PABIR1: variants seen among roughly 807,000 people sequenced by gnomAD.
PABIR1 encodes PPP2R1A-PPP2R2A-interacting phosphatase regulator 1.
Under a neutral mutation model 14.6 loss-of-function variants are expected in PABIR1, and 2 were observed. That is an observed-to-expected ratio of 0.14 (90% CI 0.06 to 0.43). The LOEUF (loss-of-function observed/expected upper bound fraction) is 0.43, where lower values mean the gene tolerates loss of function less well. PABIR1 is among the 20% of genes least tolerant of loss of function. The probability of loss-of-function intolerance (pLI) is 0.99; values close to 1 mark genes in which losing one functional copy is unlikely to be tolerated. For synonymous variants in PABIR1, 163 were observed against 155.4 expected, an observed-to-expected ratio of 1.05 and a Z score of -0.36; for missense variants, 294 against 379.0, an observed-to-expected ratio of 0.78 and a Z score of 1.86.
At position 68,782,492 on chromosome 9, in the gene PABIR1, A is replaced by T. The variant is rs927444607; in HGVS notation, c.*1464A>T. 1.8e-5 allele frequency: 3 copies of T among 167,090 alleles called. No homozygotes were observed. Among genetic ancestry groups the T allele is most frequent in the Non-Finnish European group, 4.4e-5 (3 of 68,116 alleles). 10.4% of individuals were successfully genotyped at this position (167,090 alleles called of 1,614,324 possible). Reference sequence around the variant, plus strand: ...AGTTTGACAGAAAGAATGGCATACAAAGAGGAAAGGGGAAAAATGACTCAG... The same window carrying T: ...AGTTTGACAGAAAGAATGGCATACATAGAGGAAAGGGGAAAAATGACTCAG... On this transcript the variant is annotated 3_prime_UTR_variant, in exon 1 of 1. Coordinates refer to ENST00000394264, the MANE Select transcript of PABIR1 (RefSeq NM_138333.5).
chr9:68,781,013 A>G lies in PABIR1; in HGVS notation c.849A>G (p.Glu283=). 1.2e-6 allele frequency: 2 copies of G among 1,613,000 alleles called. No homozygotes were observed. Among genetic ancestry groups the G allele is most frequent in the South Asian group, 2.2e-5 (2 of 91,030 alleles). Residue 283 remains glutamate, a synonymous_variant, in exon 1 of 1, where the codon GAA becomes GAG. Transcript: ENST00000394264. ...QAASPFIPLD[E]LSSK is the part of the protein sequence containing the mutation. ...CTTCTCCATTTATTCCACTAGATGA[A>G]CTTTCGTCTAAGTGATTCACTCATC... is the stretch of plus-strand genomic sequence containing the variant.
At position 68,781,480 on chromosome 9, in the gene PABIR1, A is replaced by C. The variant is rs1305895955; in HGVS notation, c.*452A>C. 1 of 174,322 alleles carries C rather than the reference A, an allele frequency of 5.7e-6. No individual in the cohort carries two copies. The highest frequency in any genetic ancestry group is 1.4e-5 in the Non-Finnish European group (1 of 72,696). 10.8% of individuals were successfully genotyped at this position (174,322 alleles called of 1,614,324 possible). ...GGTTGCCGATTTCCATTTGATGAAG[A>C]ACTATACAGCTTAAAAAAATACGTT... is the stretch of plus-strand genomic sequence containing the variant. On this transcript the variant is annotated 3_prime_UTR_variant, in exon 1 of 1. Coordinates refer to ENST00000394264, the MANE Select transcript of PABIR1 (RefSeq NM_138333.5).
rs1831555766 is a variant in PABIR1, at chr9:68,785,444, C to T, written c.*4416C>T. Among the ~76,000 whole-genome samples the T allele has an allele frequency of 6.6e-6, 1 of 152,176 alleles. No individual in the cohort carries two copies. The highest frequency in any genetic ancestry group is 6.5e-5 in the Admixed American group (1 of 15,278). On this transcript the variant is annotated 3_prime_UTR_variant, in exon 1 of 1. Coordinates refer to ENST00000394264, the MANE Select transcript of PABIR1 (RefSeq NM_138333.5). Reference sequence around the variant, plus strand: ...TGGTAAAAAATTGTGTCAGATTGCTCACTGTAGCCAAGACAGAGTTCTTTG... The same window carrying T: ...TGGTAAAAAATTGTGTCAGATTGCTTACTGTAGCCAAGACAGAGTTCTTTG...
Position 68,781,895 on chromosome 9 carries a change from C to T in PABIR1, c.*867C>T, listed in dbSNP as rs1831308244. On this transcript the variant is annotated 3_prime_UTR_variant, in exon 1 of 1. Transcript: ENST00000394264. ...TTAAAAGTTTTTCAAATGTGGGAAACGTGTGGGAAGGCTTGTTGAACTTTG... is the reference window on the plus strand; with the variant it reads ...TTAAAAGTTTTTCAAATGTGGGAAATGTGTGGGAAGGCTTGTTGAACTTTG... 6.0e-6 allele frequency: 1 copy of T among 166,842 alleles called. No individual in the cohort carries two copies. The highest frequency in any genetic ancestry group is 2.4e-5 in the African/African-American group (1 of 41,384). 10.3% of individuals were successfully genotyped at this position (166,842 alleles called of 1,614,324 possible).
chr9:68,783,766 A>C lies in PABIR1; in HGVS notation c.*2738A>C, dbSNP rs1053329284. The C allele has an allele frequency of 4.2e-5, 7 of 166,726 alleles. No homozygotes were observed. Among genetic ancestry groups the C allele is most frequent in the Non-Finnish European group, 8.8e-5 (6 of 68,088 alleles). 10.3% of individuals were successfully genotyped at this position (166,726 alleles called of 1,614,324 possible). On this transcript the variant is annotated 3_prime_UTR_variant, in exon 1 of 1. Transcript: ENST00000394264. Reference sequence around the variant, plus strand: ...CTTAGGCTTCTGAAGCAACTTCCTAACTCCCACTTGTGCTCCTCACACTCA... The same window carrying C: ...CTTAGGCTTCTGAAGCAACTTCCTACCTCCCACTTGTGCTCCTCACACTCA...
In PABIR1 at chr9:68,780,594, C is replaced by A. The variant is rs1196922735; in HGVS notation, c.430C>A (p.Pro144Thr). The change falls in exon 1 of 1, where the codon CCA becomes ACA. Residue 144 changes from proline to threonine, a missense_variant. Pro to Thr is a conservative substitution (Grantham distance 38, BLOSUM62 -1). Transcript: ENST00000394264. ...PKRIDFIPVS[P>T]APSPTRGIGK... ...GCGCATCGATTTCATTCCTGTGTCA[C>A]CAGCACCGTCACCCACTCGGGGAAT... is the stretch of plus-strand genomic sequence containing the variant. 1 of 1,614,084 alleles carries A rather than the reference C, an allele frequency of 6.2e-7. No homozygotes were observed. Among genetic ancestry groups the A allele is most frequent in the Non-Finnish European group, 8.5e-7 (1 of 1,180,042 alleles).
Position 68,781,994 on chromosome 9 carries a change from A to G in PABIR1, c.*966A>G, listed in dbSNP as rs1008028080. The G allele has an allele frequency of 1.2e-5, 2 of 167,032 alleles. No homozygotes were observed. The highest frequency in any genetic ancestry group is 4.8e-5 in the African/African-American group (2 of 41,440). 10.3% of individuals were successfully genotyped at this position (167,032 alleles called of 1,614,324 possible). On this transcript the variant is annotated 3_prime_UTR_variant, in exon 1 of 1. Coordinates refer to ENST00000394264, the MANE Select transcript of PABIR1 (RefSeq NM_138333.5). ...TATTCAGTTGTGCCTCAGTTCCAGAAATTATTGCCAAACAGGAGCCACAGC... is the reference window on the plus strand; with the variant it reads ...TATTCAGTTGTGCCTCAGTTCCAGAGATTATTGCCAAACAGGAGCCACAGC...
rs1831340782 is a variant in PABIR1 at position 68,782,394 on chromosome 9, A to C, written c.*1366A>C. 1 of 166,998 alleles carries C rather than the reference A, an allele frequency of 6.0e-6. No individual in the cohort carries two copies. The highest frequency in any genetic ancestry group is 2.4e-5 in the African/African-American group (1 of 41,454). The allele number at this position is 166,998 out of a possible 1,614,324, so 10.3% of individuals were successfully genotyped here. A position where few individuals can be genotyped will look rare whatever the true frequency, so the allele number is the denominator to read the frequency against. ...TCTTTACCTTTACAATTAAGACAAA[A>C]TGTTTAATAAGAATAGCAAAAATTT... On this transcript the variant is annotated 3_prime_UTR_variant, in exon 1 of 1. Transcript: ENST00000394264.
rs1277187377 is a variant in PABIR1 at position 68,783,802 on chromosome 9, C to T, written c.*2774C>T. On this transcript the variant is annotated 3_prime_UTR_variant, in exon 1 of 1. Transcript: ENST00000394264. ...TGCTCCTCACACTCACTCTGGTCGG[C>T]TATCCATTCATTCTCCATACAGCAA... The T allele has an allele frequency of 6.0e-6, 1 of 167,018 alleles. No homozygotes were observed. The highest frequency in any genetic ancestry group is 1.5e-5 in the Non-Finnish European group (1 of 68,140). The allele number at this position is 167,018 out of a possible 1,614,324, so 10.3% of individuals were successfully genotyped here. A position where few individuals can be genotyped will look rare whatever the true frequency, so the allele number is the denominator to read the frequency against.
In PABIR1 at chr9:68,780,543, G is replaced by A; in HGVS notation, c.379G>A (p.Asp127Asn). 1.9e-6 allele frequency: 3 copies of A among 1,614,162 alleles called. No homozygotes were observed. The highest frequency in any genetic ancestry group is 2.5e-6 in the Non-Finnish European group (3 of 1,180,022). ...GGAAAGTTTCAGCCTGAGTGACAAC[G>A]ACGTGGAGAAATCCGCCTCCCCCAA... is the stretch of plus-strand genomic sequence containing the variant. ...WEESFSLSDN[D>N]VEKSASPKRI... The change falls in exon 1 of 1, where the codon GAC (aspartate) becomes AAC (asparagine). Residue 127 changes from aspartate to asparagine, a missense_variant. Around this residue, in one of 3 missense-constraint regions of PABIR1, gnomAD observed 103 missense variants for 175.9 expected, o/e 0.59. Coordinates refer to ENST00000394264, the MANE Select transcript of PABIR1 (RefSeq NM_138333.5).
Position 68,780,991 on chromosome 9 carries a change from C to G in PABIR1, c.827C>G (p.Ser276Cys). Residue 276 changes from serine to cysteine, a missense_variant, in exon 1 of 1, where the codon TCT becomes TGT. Around this residue, in one of 3 missense-constraint regions of PABIR1, gnomAD observed 95 missense variants for 100.8 expected, o/e 0.94. Coordinates refer to ENST00000394264, the MANE Select transcript of PABIR1 (RefSeq NM_138333.5). ...DSPVSPAQAASPFIPLDELSS... is the reference protein window; with the variant it reads ...DSPVSPAQAACPFIPLDELSS... ...CCTGTGTCACCTGCCCAAGCGGCTTCTCCATTTATTCCACTAGATGAACTT... is the reference window on the plus strand; with the variant it reads ...CCTGTGTCACCTGCCCAAGCGGCTTGTCCATTTATTCCACTAGATGAACTT... 1 of 1,614,164 alleles carries G rather than the reference C, an allele frequency of 6.2e-7. No individual in the cohort carries two copies. The highest frequency in any genetic ancestry group is 8.5e-7 in the Non-Finnish European group (1 of 1,179,986).
rs1831363630 is a variant in PABIR1, at chr9:68,782,679, T to A, written c.*1651T>A. On this transcript the variant is annotated 3_prime_UTR_variant, in exon 1 of 1. Coordinates refer to ENST00000394264, the MANE Select transcript of PABIR1 (RefSeq NM_138333.5). The stretch of plus-strand genomic sequence containing the variant: ...CGAGGGTAAGACTGTGTCCACAGGT[T>A]TAAAATTCTCTCTTCTGAGTAATAG... The A allele has an allele frequency of 1.2e-5, 2 of 167,084 alleles. No individual in the cohort carries two copies. Among genetic ancestry groups the A allele is most frequent in the South Asian group, 4.1e-4 (2 of 4,826 alleles). 10.4% of individuals were successfully genotyped at this position (167,084 alleles called of 1,614,324 possible).
rs775395098 is a variant in PABIR1 at position 68,781,060 on chromosome 9, G to GGA, written c.*41_*42dup. The GGA allele has an allele frequency of 1.3e-6, 2 of 1,585,782 alleles. No homozygotes were observed. Among genetic ancestry groups the GGA allele is most frequent in the Non-Finnish European group, 1.7e-6 (2 of 1,164,448 alleles). On this transcript the variant is annotated 3_prime_UTR_variant, in exon 1 of 1. Transcript: ENST00000394264. ...CATCCTGAGACTTTCTTTTTGCAGT[G>GGA]GAGAGAGAGAATAATCTAGTTGGGG...
Position 68,780,489 on chromosome 9 carries a change from A to G in PABIR1, c.325A>G (p.Thr109Ala), listed in dbSNP as rs748345141. 6.2e-7 allele frequency: 1 copy of G among 1,614,188 alleles called. No individual in the cohort carries two copies. Among genetic ancestry groups the G allele is most frequent in the Non-Finnish European group, 8.5e-7 (1 of 1,180,032 alleles). Residue 109 changes from threonine (T) to alanine (A), a missense_variant, in exon 1 of 1, where the codon ACC becomes GCC. Physicochemically the swap from Thr to Ala is moderately conservative, Grantham distance 58 (BLOSUM62 0). This residue lies in a region of PABIR1 where 103 missense variants were observed against 175.9 expected (regional missense o/e 0.59). Coordinates refer to ENST00000394264, the MANE Select transcript of PABIR1 (RefSeq NM_138333.5). ...GACGGTCCACGAACGGGAGGTGCAG[A>G]CCGCAATGCAGATAAGCCACTCCTG... The part of the protein sequence containing the change: ...RETVHEREVQ[T>A]AMQISHSWEE...
In PABIR1 at chr9:68,784,180, C is replaced by T. The variant is rs182089968; in HGVS notation, c.*3152C>T. On this transcript the variant is annotated 3_prime_UTR_variant, in exon 1 of 1. Transcript: ENST00000394264. ...TACGTTATCATAGTATTGTTCATAA[C>T]GTCCATCATTATTCTGTAGACTGTA... The T allele has an allele frequency of 2.4e-5, 4 of 167,194 alleles. No homozygotes were observed. The highest frequency in any genetic ancestry group is 3.8e-4 in the East Asian group (2 of 5,196). 10.4% of individuals were successfully genotyped at this position (167,194 alleles called of 1,614,324 possible). A position where few individuals can be genotyped will look rare whatever the true frequency, so the allele number is the denominator to read the frequency against.
In PABIR1 at chr9:68,781,974, A is replaced by G; in HGVS notation, c.*946A>G. ...ATTGTTGATATACTTTAAAATATTC[A>G]GTTGTGCCTCAGTTCCAGAAATTAT... On this transcript the variant is annotated 3_prime_UTR_variant, in exon 1 of 1. Transcript: ENST00000394264. 6.0e-6 allele frequency: 1 copy of G among 167,174 alleles called. No individual in the cohort carries two copies. Among genetic ancestry groups the G allele is most frequent in the Non-Finnish European group, 1.5e-5 (1 of 68,100 alleles). The allele number at this position is 167,174 out of a possible 1,614,324, so 10.4% of individuals were successfully genotyped here.
rs1258418997 is a variant in PABIR1 at position 68,784,271 on chromosome 9, A to G, written c.*3243A>G. On this transcript the variant is annotated 3_prime_UTR_variant, in exon 1 of 1. Coordinates refer to ENST00000394264, the MANE Select transcript of PABIR1 (RefSeq NM_138333.5). ...CATTTTTAAGGTATTAGTATTGCTA[A>G]TCTATAAACTTTGTGCAAGAAGTCC... 6.0e-6 allele frequency: 1 copy of G among 167,004 alleles called. No homozygotes were observed. Among genetic ancestry groups the G allele is most frequent in the Non-Finnish European group, 1.5e-5 (1 of 68,126 alleles). The allele number at this position is 167,004 out of a possible 1,614,324, so 10.3% of individuals were successfully genotyped here.
At position 68,780,096 on chromosome 9, in the gene PABIR1, C is replaced by A; in HGVS notation, c.-69C>A. Reference sequence around the variant, plus strand: ...TCGGTGGCGGCGGCAGCGGCGGCGGCCCTGGACTGCGGGGAATGGGAATCC... The same window carrying A: ...TCGGTGGCGGCGGCAGCGGCGGCGGACCTGGACTGCGGGGAATGGGAATCC... On this transcript the variant is annotated 5_prime_UTR_variant, in exon 1 of 1. Transcript: ENST00000394264. 7 of 1,430,362 alleles carry A rather than the reference C, an allele frequency of 4.9e-6. No homozygotes were observed. Among genetic ancestry groups the A allele is most frequent in the Middle Eastern group, 2.6e-4 (1 of 3,788 alleles). The allele number at this position is 1,430,362 out of a possible 1,614,324, so 88.6% of individuals were successfully genotyped here. A position where few individuals can be genotyped will look rare whatever the true frequency, so the allele number is the denominator to read the frequency against.
rs1241091698 is a variant in PABIR1, at chr9:68,782,154, G to A, written c.*1126G>A. On this transcript the variant is annotated 3_prime_UTR_variant, in exon 1 of 1. Transcript: ENST00000394264. Reference sequence around the variant, plus strand: ...CACCAAACTAGGGCACCATTGATTAGACAAAGGTACAGTGTAACTTGGGTT... The same window carrying A: ...CACCAAACTAGGGCACCATTGATTAAACAAAGGTACAGTGTAACTTGGGTT... The A allele has an allele frequency of 6.0e-6, 1 of 167,164 alleles. No homozygotes were observed. The allele number at this position is 167,164 out of a possible 1,614,324, so 10.4% of individuals were successfully genotyped here.
Sources: allele counts gnomAD v4.1 joint callset (sites outside exome capture counted in the v4.1 genomes callset), GRCh38; gene constraint gnomAD v4.1.1; regional missense constraint gnomAD v4.1.1; transcripts MANE v1.5; gene names NCBI Gene and HGNC (gene_info 2026-07-23, HGNC 2026-07-21).